Variants in DNAJC16 observed in about 807,000 individuals in gnomAD.
DNAJC16 encodes the protein dnaJ homolog subfamily C member 16.
Under a neutral mutation model 92.7 loss-of-function variants are expected in DNAJC16, and 76 were observed. The ratio of observed to expected loss-of-function variants is 0.82; its 90% CI spans 0.68 to 0.99. DNAJC16 has a LOEUF of 0.99. Among genes scored for constraint, DNAJC16 ranks in the 50% least tolerant of loss-of-function variants. The pLI, the probability that DNAJC16 is intolerant of heterozygous loss-of-function variation, is 0.00. For missense variants in DNAJC16, 869 were observed against 942.4 expected (o/e 0.92, Z 1.02); for synonymous variants, 328 against 358.7 (o/e 0.91, Z 0.97).
rs996889662 is a variant in DNAJC16, at chr1:15,546,766, G to T, written c.760-1G>T. The T allele has an allele frequency of 6.2e-7, 1 of 1,605,274 alleles. No homozygotes were observed. The highest frequency in any genetic ancestry group is 1.7e-4 in the Middle Eastern group (1 of 6,050). On this transcript the variant is annotated splice_acceptor_variant, in intron 5 of 14. Transcript: ENST00000375847. LOFTEE classifies it high-confidence loss of function. ...GACTAACATTCTATTTTCAATTTAA[G>T]GTTACAAATAAAAATTACGTCAGAT...
chr1:15,563,973 TA>T lies in DNAJC16; in HGVS notation c.1387del (p.Thr463ProfsTer39). On this transcript the variant is annotated frameshift_variant, in exon 10 of 15. Coordinates refer to ENST00000375847, the MANE Select transcript of DNAJC16 (RefSeq NM_015291.4). LOFTEE classifies it high-confidence loss of function. ...RRNTAGRVVY[K>X]TLEDPWIGSE... is the part of the protein sequence containing the mutation. ...GCAACACAGCAGGAAGGGTGGTGTA[TA>T]AAACCCTGGAAGACCCTTGGATTGG... is the stretch of plus-strand genomic sequence containing the variant. 6.2e-7 allele frequency: 1 copy of T among 1,614,176 alleles called. No homozygotes were observed. The highest frequency in any genetic ancestry group is 8.5e-7 in the Non-Finnish European group (1 of 1,180,034).
rs1411304366 is a variant in DNAJC16, at chr1:15,570,382, A to T, written c.*2205A>T. On this transcript the variant is annotated 3_prime_UTR_variant, in exon 15 of 15. Transcript: ENST00000375847. ...AAACTCTCCAAGTGTATTTATTTAT[A>T]TTTTTTTTAATAGAGACGAGGTCTT... The T allele has an allele frequency of 6.6e-6, 1 of 151,754 alleles. No homozygotes were observed. The highest frequency in any genetic ancestry group is 2.4e-5 in the African/African-American group (1 of 41,324). 9.4% of individuals were successfully genotyped at this position (151,754 alleles called of 1,614,324 possible).
chr1:15,531,670 A>G (rs1045643300), intron 2 of DNAJC16, among the ~76,000 whole-genome samples: 6 of 152,238 alleles, frequency 3.9e-5, no homozygotes, highest in African/African-American at 1.4e-4. Context: ...AATGAGTCAT[A>G]TTCTTCTCTT....
At chr1:15,559,394 G>C in intron 7 of DNAJC16, 132 bp from the exon 8 acceptor site, 1 of 1,206,496 alleles carries the variant, frequency 8.3e-7, no homozygotes, top group East Asian at 2.4e-5. Context: ...GCTCAAACAG[G>C]TCTGTCTTGT....
intron 2 of DNAJC16, 139 bp from the exon 3 acceptor site, chr1:15,534,098 T>C: frequency 1.3e-6 from 1 of 752,872 alleles, no homozygotes; most frequent in Non-Finnish European, 2.1e-6. Flanking sequence ...ACTGATTGCC[T>C]CTATCATTTA....
rs112967791 is a variant in DNAJC16, at chr1:15,544,605, T to C, written c.759+22T>C. 2.2e-3 allele frequency: 3,621 copies of C among 1,611,930 alleles called. 83 individuals carry two copies. In the African/African-American group the frequency reaches 0.039, roughly 17 times the overall value. On this transcript the variant is annotated intron_variant, in intron 5 of 14. Transcript: ENST00000375847. ...GAAAGTAAGTATCTGTCAAGGAAAC[T>C]ATGGCTGAGAAGTAGTTTAAGAGGT...
rs569045004 is a variant in DNAJC16 at position 15,564,122 on chromosome 1, G to C, written c.1521+11G>C. On this transcript the variant is annotated intron_variant, in intron 10 of 14. Coordinates refer to ENST00000375847, the MANE Select transcript of DNAJC16 (RefSeq NM_015291.4). ...GATGAACTTGCCCCTGTGAGCATCG[G>C]GGCTGGGAAGGGTGGGACACCAGGA... is the stretch of plus-strand genomic sequence containing the variant. 4.3e-6 allele frequency: 7 copies of C among 1,613,814 alleles called. No homozygotes were observed. In the African/African-American group the frequency reaches 5.3e-5, roughly 12 times the overall value.
rs2236215 is a variant in DNAJC16, at chr1:15,565,920, A to T, written c.1600A>T (p.Arg534Trp). 1.2e-6 allele frequency: 2 copies of T among 1,613,022 alleles called. No individual in the cohort carries two copies. The highest frequency in any genetic ancestry group is 1.3e-5 in the African/African-American group (1 of 74,640). Reference protein sequence around the residue: ...CWDSIFHNNWREMMPLLSLIF... With the variant: ...CWDSIFHNNWWEMMPLLSLIF... ...AATAGTTTGTTAATTTGGTTTTAGG[A>T]GGGAAATGATGCCCCTGCTGTCCCT... is the stretch of plus-strand genomic sequence containing the variant. Residue 534 changes from arginine to tryptophan, a missense_variant and splice_region_variant, in exon 12 of 15, where the codon AGG (arginine) becomes TGG (tryptophan). Physicochemically the swap from Arg to Trp is moderately radical, Grantham distance 101. Transcript: ENST00000375847.
Position 15,529,082 on chromosome 1 carries a change from T to C in DNAJC16, c.-18-6T>C, listed in dbSNP as rs947972589. 1.9e-6 allele frequency: 3 copies of C among 1,611,368 alleles called. No individual in the cohort carries two copies. Among genetic ancestry groups the C allele is most frequent in the Non-Finnish European group, 2.5e-6 (3 of 1,178,942 alleles). ...CTGAAACTCATTGCCTCTTCAATCA[T>C]TTCAGCTCTGGAAAGGAAGAGAAAT... is the stretch of plus-strand genomic sequence containing the variant. On this transcript the variant is annotated splice_polypyrimidine_tract_variant and splice_region_variant and intron_variant, in intron 1 of 14. Transcript: ENST00000375847.
intron 6 of DNAJC16, among the ~76,000 whole-genome samples, chr1:15,547,227 A>G (rs1229770115): frequency 7.0e-6 from 1 of 142,116 alleles, no homozygotes; most frequent in African/African-American, 2.7e-5. Context: ...GGCTCACTGC[A>G]GCCTCCATCT....
chr1:15,543,827 G>A (rs1242619303), intron 4 of DNAJC16, among the ~76,000 whole-genome samples: 1 of 152,174 alleles, frequency 6.6e-6, no homozygotes, highest in Non-Finnish European at 1.5e-5. Flanking sequence ...CAACAGATAA[G>A]AGAAGCCAAA....
chr1:15,531,047 T>C (rs1349321813), intron 2 of DNAJC16, among the ~76,000 whole-genome samples: 1 of 152,214 alleles, frequency 6.6e-6, no homozygotes, highest in Non-Finnish European at 1.5e-5. Flanking sequence ...CTGTGGTACC[T>C]CTGGGTTCCG....
chr1:15,561,064 G>A (rs1018611981), intron 8 of DNAJC16, among the ~76,000 whole-genome samples: 3 of 150,928 alleles, frequency 2.0e-5, no homozygotes, highest in African/African-American at 4.9e-5. Flanking sequence ...GTCTGATGGA[G>A]CCTGGCTTCT....
At chr1:15,544,297 T>C (rs1638232661) in intron 4 of DNAJC16, 102 bp from the exon 5 acceptor site, 1 of 1,153,928 alleles carries the variant, frequency 8.7e-7, no homozygotes, top group Admixed American at 2.8e-5. Flanking sequence ...ACATCTCCTA[T>C]GAGGTCGGGA....
rs778977096 is a variant in DNAJC16 at position 15,567,253 on chromosome 1, G to T, written c.1933G>T (p.Val645Phe). 1.5e-5 allele frequency: 24 copies of T among 1,613,188 alleles called. No individual in the cohort carries two copies. Among genetic ancestry groups the T allele is most frequent in the Non-Finnish European group, 1.9e-5 (23 of 1,179,506 alleles). ...CCTACTACAGAAATTTGCTTTGGAG[G>T]TCTACACATTTACTGGGTAAGCATG... ...TSLLQKFALE[V>F]YTFTGSSCLH... Residue 645 changes from valine to phenylalanine, a missense_variant, in exon 14 of 15, where the codon GTC becomes TTC. By Grantham distance (50) the Val-to-Phe change is conservative (BLOSUM62 -1). Transcript: ENST00000375847.
At position 15,567,830 on chromosome 1, in the gene DNAJC16, C is replaced by T. The variant is rs61750326; in HGVS notation, c.2002C>T (p.Leu668=). The T allele has an allele frequency of 0.014, 22,719 of 1,614,140 alleles. 197 individuals carry two copies. The highest frequency in any genetic ancestry group is 0.016 in the Non-Finnish European group (18,389 of 1,179,986). The part of the protein sequence containing the change: ...FLSLDKHREW[L]EYLLEFAQDA... ...GAGTCTAGATAAACACAGAGAATGG[C>T]TAGAATACTTACTAGAATTTGCTCA... Residue 668 remains leucine (L), a synonymous_variant, in exon 15 of 15, where the codon CTA becomes TTA. Coordinates refer to ENST00000375847, the MANE Select transcript of DNAJC16 (RefSeq NM_015291.4).
rs1457057716 is a variant in DNAJC16 at position 15,536,456 on chromosome 1, T to G, written c.235-19T>G. ...GATGAACCTTTTGTTGTTGTTTAGA[T>G]TTTTTTCTTCCTTTATAGATTCTTT... On this transcript the variant is annotated intron_variant, in intron 3 of 14. Coordinates refer to ENST00000375847, the MANE Select transcript of DNAJC16 (RefSeq NM_015291.4). 6.5e-7 allele frequency: 1 copy of G among 1,542,978 alleles called. No individual in the cohort carries two copies. The highest frequency in any genetic ancestry group is 8.7e-7 in the Non-Finnish European group (1 of 1,148,058).
In DNAJC16 at chr1:15,544,151, TACACACACACACACAC is replaced by T. The variant is rs148744006; in HGVS notation, c.575-228_575-213del. 9.3e-4 allele frequency among the ~76,000 whole-genome samples: 128 copies of T among 137,290 alleles called. 1 individual carries two copies. In the South Asian group the frequency reaches 0.028, roughly 30 times the overall value. 90.1% of individuals were successfully genotyped at this position (137,290 alleles called of 152,430 possible). On this transcript the variant is annotated intron_variant, in intron 4 of 14. Coordinates refer to ENST00000375847, the MANE Select transcript of DNAJC16 (RefSeq NM_015291.4). ...CCCCATTTTGTTTTATGTATATGCA[TACACACACACACACAC>T]ACACACACACACACACACATTTGTA...
At chr1:15,567,074 T>TTAAC in intron 13 of DNAJC16, 25 bp from the exon 14 acceptor site, 1 of 1,598,316 alleles carries the variant, frequency 6.3e-7, no homozygotes, top group Admixed American at 1.7e-5. Flanking sequence ...TGACAGCATC[T>TTAAC]TAACTCCTCA....
Sources: gnomAD v4.1 joint callset for allele counts (sites outside exome capture counted in the v4.1 genomes callset) on GRCh38, gnomAD v4.1.1 for gene constraint, MANE v1.5 for transcripts, NCBI Gene and HGNC (gene_info 2026-07-23, HGNC 2026-07-21) for gene names.